DNMT3L: variants seen among roughly 807,000 people sequenced by gnomAD.
The protein encoded by DNMT3L is DNA (cytosine-5)-methyltransferase 3-like.
DNMT3L carries 33 observed loss-of-function variants against 36.2 expected under a neutral mutation model. The ratio of observed to expected loss-of-function variants is 0.91; its 90% confidence interval spans 0.69 to 1.22. DNMT3L has a LOEUF of 1.22. Among genes scored for constraint, DNMT3L ranks in the 50% most tolerant of loss-of-function variants. DNMT3L has a pLI of 0.00. For synonymous variants in DNMT3L, 117 were observed against 121.7 expected (o/e 0.96, Z 0.26); for missense variants, 310 against 303.1 (o/e 1.02, Z -0.17).
intron 1 of DNMT3L, among the ~76,000 whole-genome samples, chr21:44,261,484 C>T (rs1467549697): frequency 1.3e-5 from 2 of 152,170 alleles, no homozygotes; most frequent in East Asian, 1.9e-4. Context: ...TCCCCTGAGG[C>T]GTGCCCCCCA....
In DNMT3L at chr21:44,258,726, C is replaced by CATGACA; in HGVS notation, c.345-38_345-33dup. ...CCAGACAGAAAACCACAGCAGCGGACATGACAGCCCACCTCTCCTGAGGAT... is the reference window on the plus strand; with the variant it reads ...CCAGACAGAAAACCACAGCAGCGGACATGACAATGACAGCCCACCTCTCCTGAGGAT... On this transcript the variant is annotated intron_variant, in intron 5 of 11. Coordinates refer to ENST00000628202, the MANE Select transcript of DNMT3L (RefSeq NM_175867.3). The surrounding 1 kb of genome is among the most constrained non-coding windows in gnomAD (Gnocchi z 6.2). 6.2e-7 allele frequency: 1 copy of CATGACA among 1,602,234 alleles called. No individual in the cohort carries two copies.
intron 6 of DNMT3L, among the ~76,000 whole-genome samples, chr21:44,257,209 G>A (rs1323668298): frequency 6.6e-6 from 1 of 152,092 alleles, no homozygotes; most frequent in African/African-American, 2.4e-5. Flanking sequence ...GTGAAACCCT[G>A]TCTCTACTAA....
At chr21:44,256,818 C>A (rs1209596691) in intron 6 of DNMT3L, among the ~76,000 whole-genome samples, 1 of 152,216 alleles carries the variant, frequency 6.6e-6, no homozygotes, top group Non-Finnish European at 1.5e-5. Context: ...GGGCCAACCC[C>A]CAAGGCCCAA....
At chr21:44,256,012 G>C in intron 7 of DNMT3L, 55 bp downstream of exon 7, 1 of 1,587,426 alleles carries the variant, frequency 6.3e-7, no homozygotes, top group Non-Finnish European at 8.6e-7. Flanking sequence ...CTGAGGGGCA[G>C]TCAGGTGTTT....
intron 6 of DNMT3L, among the ~76,000 whole-genome samples, chr21:44,257,606 G>A (rs977568962): frequency 1.3e-5 from 2 of 148,986 alleles, no homozygotes; most frequent in African/African-American, 4.9e-5. Flanking sequence ...GCGTGAACCT[G>A]GGAGGCGGAG....
chr21:44,261,191 A>C lies in DNMT3L; in HGVS notation c.69T>G (p.Ser23Arg), dbSNP rs2040314981. ...PSMDVILVGS[S>R]ELSSSVSPGT... ...CGGGTGAAACGGAGCTTGAGAGCTC[A>C]CTGGATCCCACCAAAATCACGTCCA... Residue 23 changes from serine (S) to arginine (R), a missense_variant, in exon 2 of 12, where the codon AGT (serine) becomes AGG (arginine). Ser to Arg is a moderately radical substitution (Grantham distance 110). Transcript: ENST00000628202. 1 of 1,612,734 alleles carries C rather than the reference A, an allele frequency of 6.2e-7. No homozygotes were observed. The highest frequency in any genetic ancestry group is 1.3e-5 in the African/African-American group (1 of 75,056).
In DNMT3L at chr21:44,259,494, C is replaced by G. The variant is rs1440631487; in HGVS notation, c.287G>C (p.Cys96Ser). 1.2e-6 allele frequency: 2 copies of G among 1,613,706 alleles called. No individual in the cohort carries two copies. The highest frequency in any genetic ancestry group is 1.7e-6 in the Non-Finnish European group (2 of 1,180,010). ...LYDDDGYQSY[C>S]SICCSGETLL... The stretch of plus-strand genomic sequence containing the variant: ...CGTCTCTCCGGAGCAGCAGATGGAG[C>G]AGTAGGATTGGTACCCGTCATCGTC... The change falls in exon 5 of 12, where the codon TGC becomes TCC. Residue 96 changes from cysteine to serine, a missense_variant. Cys to Ser is a moderately radical substitution (Grantham distance 112, BLOSUM62 -1). Transcript: ENST00000628202.
At position 44,259,637 on chromosome 21, in the gene DNMT3L, A is replaced by C. The variant is rs1382030864; in HGVS notation, c.226T>G (p.Cys76Gly). ...CCCCCAGCCTCCCTGCCTACCTTACATGGGGCGCAGATCCCTCCCTCAAAC... is the reference window on the plus strand; with the variant it reads ...CCCCCAGCCTCCCTGCCTACCTTACCTGGGGCGCAGATCCCTCCCTCAAAC... ...PLFEGGICAP[C>G]KDKFLDALFL... is the part of the protein sequence containing the mutation. Residue 76 changes from cysteine (C) to glycine (G), a missense_variant, in exon 4 of 12, where the codon TGT becomes GGT. By Grantham distance (159) the Cys-to-Gly change is radical. Transcript: ENST00000628202. The C allele has an allele frequency of 2.5e-6, 4 of 1,613,276 alleles. No individual in the cohort carries two copies. The highest frequency in any genetic ancestry group is 3.4e-6 in the Non-Finnish European group (4 of 1,179,862).
intron 6 of DNMT3L, among the ~76,000 whole-genome samples, chr21:44,256,493 G>C (rs1266762858): frequency 1.4e-5 from 2 of 139,254 alleles, no homozygotes; most frequent in Non-Finnish European, 1.5e-5. Context: ...GTGCAATCTT[G>C]GCTCACTGCA....
intron 1 of DNMT3L, 61 bp from the exon 2 acceptor site, chr21:44,261,327 A>G: frequency 6.7e-7 from 1 of 1,502,120 alleles, no homozygotes; most frequent in Non-Finnish European, 9.2e-7. Context: ...CAGATCCCTG[A>G]TGCACCCCAG....
At chr21:44,260,696 G>T in intron 3 of DNMT3L, 99 bp downstream of exon 3, 1 of 1,497,220 alleles carries the variant, frequency 6.7e-7, no homozygotes, top group Non-Finnish European at 9.3e-7. Context: ...GGGCTCAAAT[G>T]ATCCTCCCAC....
chr21:44,258,754 C>T lies in DNMT3L; in HGVS notation c.345-60G>A, dbSNP rs73907137. On this transcript the variant is annotated intron_variant, in intron 5 of 11. Coordinates refer to ENST00000628202, the MANE Select transcript of DNMT3L (RefSeq NM_175867.3). This position sits in a 1 kb window ranked among gnomAD's most constrained non-coding sequence, Gnocchi z 6.2. ...GACAGCCCACCTCTCCTGAGGATGG[C>T]AGAGGTGGGCCTGATTGAGCCTTGT... 2.1e-3 allele frequency: 3,276 copies of T among 1,572,464 alleles called. 57 individuals carry two copies. In the African/African-American group the frequency reaches 0.038, roughly 18 times the overall value.
In DNMT3L at chr21:44,258,184, G is replaced by T. The variant is rs1601952068; in HGVS notation, c.516+339C>A. On this transcript the variant is annotated intron_variant, in intron 6 of 11. Coordinates refer to ENST00000628202, the MANE Select transcript of DNMT3L (RefSeq NM_175867.3). This position sits in a 1 kb window ranked among gnomAD's most constrained non-coding sequence, Gnocchi z 6.2. Reference sequence around the variant, plus strand: ...GCCGGCCCCCCTGGCTCCTCGGCTGGACTCCCAAAACGGCCCACACCTGGC... The same window carrying T: ...GCCGGCCCCCCTGGCTCCTCGGCTGTACTCCCAAAACGGCCCACACCTGGC... 6.6e-6 allele frequency among the ~76,000 whole-genome samples: 1 copy of T among 152,156 alleles called. No homozygotes were observed. Among genetic ancestry groups the T allele is most frequent in the East Asian group, 1.9e-4 (1 of 5,180 alleles).
intron 6 of DNMT3L, among the ~76,000 whole-genome samples, chr21:44,257,693 A>G (rs199610012): frequency 1.1e-5 from 1 of 91,942 alleles, no homozygotes; most frequent in Non-Finnish European, 1.9e-5. Flanking sequence ...AAAAAAAAAA[A>G]AAATAAATAA....
At chr21:44,256,687 G>A (rs1224209266) in intron 6 of DNMT3L, among the ~76,000 whole-genome samples, 1 of 152,082 alleles carries the variant, frequency 6.6e-6, no homozygotes, top group Non-Finnish European at 1.5e-5. Flanking sequence ...AGAGCCCCAA[G>A]GCCAGAGATG....
chr21:44,256,479 A>G (rs2040260407), intron 6 of DNMT3L, among the ~76,000 whole-genome samples: 1 of 141,788 alleles, frequency 7.1e-6, no homozygotes. Context: ...GCTGGAGTGC[A>G]ATGGTGCAAT....
In DNMT3L at chr21:44,258,408, C is replaced by G. The variant is rs997856526; in HGVS notation, c.516+115G>C. ...GAACCCAGGAAAGAGTGTTTGCTCC[C>G]GAGGCTGCAGCCGTGGTGCCCGTCG... is the stretch of plus-strand genomic sequence containing the variant. On this transcript the variant is annotated intron_variant, in intron 6 of 11. Transcript: ENST00000628202. The surrounding 1 kb of genome is among the most constrained non-coding windows in gnomAD (Gnocchi z 6.2). 1.7e-5 allele frequency: 23 copies of G among 1,387,006 alleles called. No homozygotes were observed. The highest frequency in any genetic ancestry group is 2.1e-5 in the Non-Finnish European group (22 of 1,047,194). 85.9% of individuals were successfully genotyped at this position (1,387,006 alleles called of 1,614,324 possible). A position where few individuals can be genotyped will look rare whatever the true frequency, so the allele number is the denominator to read the frequency against.
Position 44,258,486 on chromosome 21 carries a change from G to A in DNMT3L, c.516+37C>T, listed in dbSNP as rs1256587601. 2 of 1,515,654 alleles carry A rather than the reference G, an allele frequency of 1.3e-6. No individual in the cohort carries two copies. Among genetic ancestry groups the A allele is most frequent in the South Asian group, 2.5e-5 (2 of 79,812 alleles). 93.9% of individuals were successfully genotyped at this position (1,515,654 alleles called of 1,614,324 possible). A position where few individuals can be genotyped will look rare whatever the true frequency, so the allele number is the denominator to read the frequency against. On this transcript the variant is annotated intron_variant, in intron 6 of 11. Transcript: ENST00000628202. This position sits in a 1 kb window ranked among gnomAD's most constrained non-coding sequence, Gnocchi z 6.2. Reference sequence around the variant, plus strand: ...GAGGGAAGGCCGTAAGTCAGGGCCTGCTGCTGCCGGGTGCTGCCCCTCCAC... The same window carrying A: ...GAGGGAAGGCCGTAAGTCAGGGCCTACTGCTGCCGGGTGCTGCCCCTCCAC...
Position 44,256,116 on chromosome 21 carries a change from C to T in DNMT3L, c.555G>A (p.Trp185Ter). Reference protein sequence around the residue: ...PLEMFETVPVWRRQPVRVLSL... With the variant: ...PLEMFETVPV Reference sequence around the variant, plus strand: ...ACAGCACCCGGACTGGCTGTCTCCTCCACACAGGCACGGTTTCGAACATCT... The same window carrying T: ...ACAGCACCCGGACTGGCTGTCTCCTTCACACAGGCACGGTTTCGAACATCT... Residue 185 changes from tryptophan to a stop codon, truncating the protein, a stop_gained, in exon 7 of 12, where the codon TGG (tryptophan) becomes TGA (stop). Coordinates refer to ENST00000628202, the MANE Select transcript of DNMT3L (RefSeq NM_175867.3). LOFTEE classifies it high-confidence loss of function. 6.2e-7 allele frequency: 1 copy of T among 1,613,956 alleles called. No individual in the cohort carries two copies. The highest frequency in any genetic ancestry group is 1.7e-5 in the Admixed American group (1 of 60,026).
Sources: allele counts gnomAD v4.1 joint callset (sites outside exome capture counted in the v4.1 genomes callset), GRCh38; gene constraint gnomAD v4.1.1; non-coding constraint Gnocchi (gnomAD v3.1); transcripts MANE v1.5; gene names NCBI Gene and HGNC (gene_info 2026-07-23, HGNC 2026-07-21).